Variants in IQCM observed in about 807,000 individuals in gnomAD.
The protein encoded by IQCM is IQ motif containing M.
A neutral mutation model predicts 57.6 loss-of-function variants in IQCM; 45 were observed. The observed-to-expected ratio is 0.78, with a 90% CI of 0.62 to 1.00. The LOEUF (loss-of-function observed/expected upper bound fraction) is 1.00, where lower values mean the gene tolerates loss of function less well. Among genes scored for constraint, IQCM ranks in the 50% least tolerant of loss-of-function variants. The probability of loss-of-function intolerance (pLI) is 0.00; values close to 1 mark genes in which losing one functional copy is unlikely to be tolerated. For synonymous variants in IQCM, 148 were observed against 158.9 expected (o/e 0.93, Z 0.51); for missense variants, 468 against 511.6 (o/e 0.91, Z 0.82).
chr4:149,379,288 G>A (rs922113704), intron 13 of IQCM, among the ~76,000 whole-genome samples: 5 of 152,122 alleles, frequency 3.3e-5, no homozygotes, highest in South Asian at 2.1e-4. Flanking sequence ...GAAGAGGGCC[G>A]CCGTTCTCCA....
chr4:149,698,600 T>A (rs1267866768), intron 5 of IQCM, among the ~76,000 whole-genome samples: 1 of 152,096 alleles, frequency 6.6e-6, no homozygotes, highest in Non-Finnish European at 1.5e-5. Context: ...GTAACTATTT[T>A]CAGAAATCTA....
chr4:149,390,511 AG>A (rs1419538102), intron 13 of IQCM, among the ~76,000 whole-genome samples: 1 of 151,830 alleles, frequency 6.6e-6, no homozygotes, highest in Non-Finnish European at 1.5e-5. Flanking sequence ...TTCTGATCTT[AG>A]GGGAAAAGTA....
chr4:149,663,515 A>G (rs1398796294), intron 7 of IQCM, among the ~76,000 whole-genome samples: 2 of 152,032 alleles, frequency 1.3e-5, no homozygotes, highest in Non-Finnish European at 2.9e-5. Flanking sequence ...CTTGTCTGGG[A>G]AGATCTTTAT....
In IQCM at chr4:149,614,783, A is replaced by C. The variant is rs1503745; in HGVS notation, c.681+6346T>G. Among the ~76,000 whole-genome samples the C allele has an allele frequency of 2.5e-3, 385 of 152,098 alleles. 2 individuals carry two copies. The highest frequency in any genetic ancestry group is 8.7e-3 in the African/African-American group (362 of 41,486). Reference sequence around the variant, plus strand: ...TTTTAAGAAAGTTTACAAATTTGTAATGGACCTCATTTAAAGCCATCCTGG... The same window carrying C: ...TTTTAAGAAAGTTTACAAATTTGTACTGGACCTCATTTAAAGCCATCCTGG... On this transcript the variant is annotated intron_variant, in intron 8 of 13. Transcript: ENST00000636793.
chr4:149,695,726 C>T (rs1763285743), intron 5 of IQCM, among the ~76,000 whole-genome samples: 1 of 152,038 alleles, frequency 6.6e-6, no homozygotes, highest in South Asian at 2.1e-4. Context: ...GAGATAGGTT[C>T]CTGGCAGAAA....
chr4:149,471,852 C>G (rs1227160307), intron 12 of IQCM, among the ~76,000 whole-genome samples: 1 of 152,174 alleles, frequency 6.6e-6, no homozygotes, highest in Admixed American at 6.5e-5. Flanking sequence ...ATCATATAAA[C>G]AGAACCAAAG....
At chr4:149,540,663 T>C (rs186135482) in intron 12 of IQCM, among the ~76,000 whole-genome samples, 68 of 152,246 alleles carry the variant, frequency 4.5e-4, no homozygotes, top group African/African-American at 1.6e-3. Flanking sequence ...ACCAGCAACA[T>C]ATGTATAATG....
intron 13 of IQCM, among the ~76,000 whole-genome samples, chr4:149,414,557 TG>T (rs1158301713): frequency 6.6e-6 from 1 of 152,164 alleles, no homozygotes; most frequent in Non-Finnish European, 1.5e-5. Context: ...ACTCAGAGTT[TG>T]TCCATTATAG....
At chr4:149,449,385 TA>T (rs1402201914) in intron 12 of IQCM, among the ~76,000 whole-genome samples, 6 of 145,796 alleles carry the variant, frequency 4.1e-5, no homozygotes, top group Non-Finnish European at 7.5e-5. Flanking sequence ...ATATTATATA[TA>T]TAATATATAT....
chr4:149,742,595 G>A (rs1767559330), intron 3 of IQCM, 60 bp downstream of exon 3: 5 of 962,240 alleles, frequency 5.2e-6, no homozygotes, highest in Non-Finnish European at 6.7e-6. Context: ...ATAGAAAAGA[G>A]TGGTTAAAAC....
chr4:149,593,472 G>T (rs1443317147), intron 8 of IQCM, among the ~76,000 whole-genome samples: 1 of 151,956 alleles, frequency 6.6e-6, no homozygotes, highest in African/African-American at 2.4e-5. Context: ...TGATTGCCCT[G>T]GCCAGAACTT....
At position 149,587,993 on chromosome 4, in the gene IQCM, G is replaced by T. The variant is rs1752793757; in HGVS notation, c.686C>A (p.Thr229Asn). ...SSIFRDYYSK[T>N]FKTLIKKERQ... ...CTCCTTTTTAATAAGGGTTTTAAAG[G>T]TTTTCTATAATAAGGAAAAGAAGAG... The change falls in exon 9 of 14, where the codon ACC becomes AAC. Residue 229 changes from threonine to asparagine, a missense_variant. Coordinates refer to ENST00000636793, the MANE Select transcript of IQCM (RefSeq NM_001363507.2). 2 of 1,219,038 alleles carry T rather than the reference G, an allele frequency of 1.6e-6. No homozygotes were observed. The highest frequency in any genetic ancestry group is 4.2e-5 in the Admixed American group (1 of 23,536). 75.5% of individuals were successfully genotyped at this position (1,219,038 alleles called of 1,614,324 possible).
chr4:149,668,874 A>G (rs1378189101), intron 7 of IQCM, among the ~76,000 whole-genome samples: 1 of 152,156 alleles, frequency 6.6e-6, no homozygotes, highest in Non-Finnish European at 1.5e-5. Flanking sequence ...ACTTCAGCAA[A>G]ATTCTCCAAA....
chr4:149,600,572 T>C (rs980403870), intron 8 of IQCM, among the ~76,000 whole-genome samples: 1 of 152,156 alleles, frequency 6.6e-6, no homozygotes, highest in Non-Finnish European at 1.5e-5. Flanking sequence ...TTAGAAAAGA[T>C]CCAGTGATTT....
intron 13 of IQCM, among the ~76,000 whole-genome samples, chr4:149,365,084 A>G (rs569767600): frequency 1.4e-4 from 22 of 152,154 alleles, no homozygotes; most frequent in Non-Finnish European, 2.5e-4. Flanking sequence ...TTCAGTAGCA[A>G]TGAGCACATC....
intron 7 of IQCM, among the ~76,000 whole-genome samples, chr4:149,661,999 T>C (rs1327847363): frequency 6.6e-6 from 1 of 152,000 alleles, no homozygotes; most frequent in Non-Finnish European, 1.5e-5. Flanking sequence ...TTAGTTTTTC[T>C]TGGTGTTTTT....
At chr4:149,576,865 A>C (rs571192554) in intron 9 of IQCM, among the ~76,000 whole-genome samples, 68 of 152,052 alleles carry the variant, frequency 4.5e-4, no homozygotes, top group African/African-American at 1.6e-3. Context: ...AGCAATGTAT[A>C]AGTGCTCCCT....
chr4:149,420,121 A>C (rs1325243791), intron 13 of IQCM, among the ~76,000 whole-genome samples: 1 of 152,130 alleles, frequency 6.6e-6, no homozygotes, highest in African/African-American at 2.4e-5. Context: ...ATACCATTTG[A>C]CTCTGCAATC....
intron 8 of IQCM, among the ~76,000 whole-genome samples, chr4:149,588,619 G>T (rs183521097): frequency 6.6e-6 from 1 of 151,848 alleles, no homozygotes; most frequent in Non-Finnish European, 1.5e-5. Context: ...TTTATAAGAC[G>T]AGGAAAAGAT....
Sources: allele counts gnomAD v4.1 joint callset (sites outside exome capture counted in the v4.1 genomes callset), GRCh38; gene constraint gnomAD v4.1.1; transcripts MANE v1.5; gene names NCBI Gene and HGNC (gene_info 2026-07-23, HGNC 2026-07-21).